USP53: variants seen among roughly 807,000 people sequenced by gnomAD.
The protein encoded by USP53 is ubiquitin carboxyl-terminal hydrolase 53.
USP53 carries 71 observed loss-of-function variants against 94.9 expected under a neutral mutation model. The ratio of observed to expected loss-of-function variants is 0.75; its 90% CI spans 0.62 to 0.91. USP53 has a LOEUF of 0.91. USP53 is among the 40% of genes least tolerant of loss of function. The pLI, the probability that USP53 is intolerant of heterozygous loss-of-function variation, is 0.00. For missense variants in USP53, 1,173 were observed against 1,281.0 expected (o/e 0.92, Z 1.29); for synonymous variants, 375 against 422.7 (o/e 0.89, Z 1.39).
In USP53 at chr4:119,292,336, A is replaced by G; in HGVS notation, c.2349-2A>G. 1 of 1,567,330 alleles carries G rather than the reference A, an allele frequency of 6.4e-7. No homozygotes were observed. Among genetic ancestry groups the G allele is most frequent in the Non-Finnish European group, 8.6e-7 (1 of 1,160,908 alleles). On this transcript the variant is annotated splice_acceptor_variant, in intron 18 of 18. Transcript: ENST00000692078. LOFTEE classifies it high-confidence loss of function. ...AGCTTTGTTTTTATTTTCATATTTC[A>G]GATCACATGTACATGAAGACAATGG... is the stretch of plus-strand genomic sequence containing the variant.
intron 5 of USP53, among the ~76,000 whole-genome samples, chr4:119,244,421 G>C (rs1195323769): frequency 6.6e-6 from 1 of 152,128 alleles, no homozygotes; most frequent in Non-Finnish European, 1.5e-5. Flanking sequence ...ATCATGAATA[G>C]ATTTTCTTAG....
At chr4:119,238,612 C>T (rs1193298916) in intron 4 of USP53, among the ~76,000 whole-genome samples, 1 of 152,176 alleles carries the variant, frequency 6.6e-6, no homozygotes, top group African/African-American at 2.4e-5. Context: ...TGGCTTGCTA[C>T]AGGGTTGACA....
chr4:119,258,473 TTCCTTTTTGGAAA>T (rs1176226483), intron 9 of USP53, among the ~76,000 whole-genome samples: 1 of 152,234 alleles, frequency 6.6e-6, no homozygotes, highest in Non-Finnish European at 1.5e-5. Context: ...TTACATTACA[TTCCTTTTTGGAAA>T]TATTTAAATA....
chr4:119,273,592 C>T (rs765437389), intron 16 of USP53, 40 bp from the exon 17 acceptor site: 2 of 1,501,930 alleles, frequency 1.3e-6, no homozygotes, highest in South Asian at 1.2e-5. Flanking sequence ...AAAGGCAGTC[C>T]ATAATACCTG....
chr4:119,272,319 T>A (rs1035114876), intron 16 of USP53: 3 of 241,224 alleles, frequency 1.2e-5, no homozygotes, highest in Non-Finnish European at 2.4e-5. Context: ...TACAGAAGTT[T>A]ATTATCATTG....
chr4:119,239,718 G>GTAATA lies in USP53; in HGVS notation c.-41_-40insAATAT. ...TTATTGTCCAAAATATTACATAAAA[G>GTAATA]TGTACAGTTTTTAGCCTAAATGCAA... On this transcript the variant is annotated 5_prime_UTR_variant, in exon 5 of 19. In the 5' UTR this introduces an upstream ATG that the reference lacks. Coordinates refer to ENST00000692078, the MANE Select transcript of USP53 (RefSeq NM_001371395.1). 2 of 1,570,296 alleles carry GTAATA rather than the reference G, an allele frequency of 1.3e-6. No homozygotes were observed. Among genetic ancestry groups the GTAATA allele is most frequent in the South Asian group, 2.4e-5 (2 of 83,538 alleles).
At chr4:119,280,857 G>A (rs1411593861) in intron 17 of USP53, among the ~76,000 whole-genome samples, 1 of 152,168 alleles carries the variant, frequency 6.6e-6, no homozygotes, top group African/African-American at 2.4e-5. Flanking sequence ...GGAGAATCAC[G>A]TGCCAACTCT....
intron 7 of USP53, among the ~76,000 whole-genome samples, chr4:119,254,188 TA>T (rs748741201): frequency 6.6e-6 from 1 of 152,182 alleles, no homozygotes; most frequent in Non-Finnish European, 1.5e-5. Context: ...ATCTGACAAT[TA>T]TGTGTCTTTT....
chr4:119,292,500 G>A lies in USP53; in HGVS notation c.2511G>A (p.Glu837=). 1 of 1,613,950 alleles carries A rather than the reference G, an allele frequency of 6.2e-7. No homozygotes were observed. ...FSEWLNIENS[E]RTGLPFHVDN... Reference sequence around the variant, plus strand: ...AGTGGCTTAATATAGAAAATTCTGAGAGAACAGGTTTGCCTTTTCACGTTG... The same window carrying A: ...AGTGGCTTAATATAGAAAATTCTGAAAGAACAGGTTTGCCTTTTCACGTTG... Residue 837 remains glutamate (E), a synonymous_variant, in exon 19 of 19, where the codon GAG becomes GAA. Transcript: ENST00000692078.
chr4:119,269,327 G>A (rs985149264), intron 14 of USP53, among the ~76,000 whole-genome samples: 1 of 152,144 alleles, frequency 6.6e-6, no homozygotes, highest in Non-Finnish European at 1.5e-5. Flanking sequence ...ATTTCTCTCT[G>A]CCTCAGTTTC....
At position 119,239,409 on chromosome 4, in the gene USP53, A is replaced by G. The variant is rs954696672; in HGVS notation, c.-351A>G. On this transcript the variant is annotated 5_prime_UTR_variant, in exon 5 of 19. Coordinates refer to ENST00000692078, the MANE Select transcript of USP53 (RefSeq NM_001371395.1). ...ATGCATCAAGACAAATGGCTTATGCATTAAAGGGGATGATTCGTTCATCAG... is the reference window on the plus strand; with the variant it reads ...ATGCATCAAGACAAATGGCTTATGCGTTAAAGGGGATGATTCGTTCATCAG... The G allele has an allele frequency of 1.8e-4, 45 of 252,424 alleles. No individual in the cohort carries two copies. The highest frequency in any genetic ancestry group is 9.3e-4 in the African/African-American group (42 of 45,334). 15.6% of individuals were successfully genotyped at this position (252,424 alleles called of 1,614,324 possible).
intron 17 of USP53, among the ~76,000 whole-genome samples, chr4:119,286,336 C>T (rs1754112553): frequency 6.6e-6 from 1 of 150,658 alleles, no homozygotes; most frequent in Non-Finnish European, 1.5e-5. Flanking sequence ...TCAAAATGGG[C>T]ATTATTAAAG....
intron 3 of USP53, among the ~76,000 whole-genome samples, chr4:119,231,650 A>G (rs1169026509): frequency 6.6e-6 from 1 of 152,184 alleles, no homozygotes; most frequent in Non-Finnish European, 1.5e-5. Context: ...AGTTGTATGC[A>G]TTGCTGTGAT....
chr4:119,247,092 C>G lies in USP53; in HGVS notation c.238-1656C>G, dbSNP rs187799187. Among the ~76,000 whole-genome samples, 9 of 152,128 alleles carry G rather than the reference C, an allele frequency of 5.9e-5. 1 individual carries two copies. Among genetic ancestry groups the G allele is most frequent in the Admixed American group, 5.9e-4 (9 of 15,270 alleles). ...TATTGTTAGGACATGAAGAATGAACCTAGATCACATTACAGTATCACATTT... is the reference window on the plus strand; with the variant it reads ...TATTGTTAGGACATGAAGAATGAACGTAGATCACATTACAGTATCACATTT... On this transcript the variant is annotated intron_variant, in intron 6 of 18. Coordinates refer to ENST00000692078, the MANE Select transcript of USP53 (RefSeq NM_001371395.1).
At chr4:119,260,379 A>C in intron 10 of USP53, 128 bp from the exon 11 acceptor site, 3 of 634,444 alleles carry the variant, frequency 4.7e-6, no homozygotes, top group Non-Finnish European at 7.2e-6. Flanking sequence ...AGCTTGTTAG[A>C]AGTCAATTTT....
intron 17 of USP53, among the ~76,000 whole-genome samples, chr4:119,286,489 T>A (rs1191179674): frequency 6.6e-6 from 1 of 151,992 alleles, no homozygotes; most frequent in Non-Finnish European, 1.5e-5. Context: ...ACATATCTAT[T>A]TTTAAGTTAG....
rs368152671 is a variant in USP53, at chr4:119,273,581, C to T, written c.2175-51C>T. On this transcript the variant is annotated intron_variant, in intron 16 of 18. Transcript: ENST00000692078. ...AAATGTTGTTTTTTTTTAGACTAAA[C>T]AAAGGCAGTCCATAATACCTGATGT... 20 of 1,381,278 alleles carry T rather than the reference C, an allele frequency of 1.4e-5. No individual in the cohort carries two copies. The African/African-American group carries it at 2.3e-4, about 16-fold the overall frequency. 85.6% of individuals were successfully genotyped at this position (1,381,278 alleles called of 1,614,324 possible). A position where few individuals can be genotyped will look rare whatever the true frequency, so the allele number is the denominator to read the frequency against.
In USP53 at chr4:119,292,944, A is replaced by G; in HGVS notation, c.2955A>G (p.Thr985=). The change falls in exon 19 of 19, where the codon ACA becomes ACG. Residue 985 remains threonine, a synonymous_variant. Coordinates refer to ENST00000692078, the MANE Select transcript of USP53 (RefSeq NM_001371395.1). ...TGAATGATGAAAGACATAAAGAAACATTTCAAGTGAGAGAATGTTTTGGCA... is the reference window on the plus strand; with the variant it reads ...TGAATGATGAAAGACATAAAGAAACGTTTCAAGTGAGAGAATGTTTTGGCA... ...THMNDERHKE[T]FQVRECFGNT... is the part of the protein sequence containing the mutation. 1.9e-6 allele frequency: 3 copies of G among 1,614,144 alleles called. No homozygotes were observed. Among genetic ancestry groups the G allele is most frequent in the Non-Finnish European group, 2.5e-6 (3 of 1,179,988 alleles).
intron 10 of USP53, among the ~76,000 whole-genome samples, chr4:119,260,255 G>T (rs867832865): frequency 2.0e-5 from 3 of 151,922 alleles, no homozygotes; most frequent in African/African-American, 7.3e-5. Flanking sequence ...GACTTCAAGA[G>T]TTTTATTTCT....
Sources: allele counts gnomAD v4.1 joint callset (sites outside exome capture counted in the v4.1 genomes callset), GRCh38; gene constraint gnomAD v4.1.1; transcripts MANE v1.5; gene names NCBI Gene and HGNC (gene_info 2026-07-23, HGNC 2026-07-21).